The following ZNF235 variants were observed in gnomAD, a reference collection of about 807,000 sequenced individuals.
ZNF235 encodes zinc finger protein 235.
ZNF235 carries 25 observed loss-of-function variants against 29.4 expected under a neutral mutation model. The ratio of observed to expected loss-of-function variants is 0.85; its 90% CI spans 0.62 to 1.19. The LOEUF (loss-of-function observed/expected upper bound fraction) is 1.19, where lower values mean the gene tolerates loss of function less well. Among genes scored for constraint, ZNF235 ranks in the 50% most tolerant of loss-of-function variants. The probability of loss-of-function intolerance (pLI) is 0.00; values close to 1 mark genes in which losing one functional copy is unlikely to be tolerated. For missense variants in ZNF235, 788 were observed against 885.0 expected (o/e 0.89, Z 1.39); for synonymous variants, 300 against 295.3 (o/e 1.02, Z -0.16).
chr19:44,302,872 TTGTA>T (rs1309931617), intron 2 of ZNF235, among the ~76,000 whole-genome samples: 30 of 58,262 alleles, frequency 5.1e-4, no homozygotes, highest in Non-Finnish European at 7.3e-4. Context: ...TTATATATAT[TTGTA>T]TGTGTTTATA....
At chr19:44,298,283 G>T (rs1299116066) in intron 4 of ZNF235, among the ~76,000 whole-genome samples, 1 of 152,150 alleles carries the variant, frequency 6.6e-6, no homozygotes, top group African/African-American at 2.4e-5. Flanking sequence ...AGGTGAATAG[G>T]CAAACATTAT....
At chr19:44,293,634 G>A (rs140797726) in intron 4 of ZNF235, among the ~76,000 whole-genome samples, 9 of 152,128 alleles carry the variant, frequency 5.9e-5, no homozygotes, top group East Asian at 1.9e-4. Context: ...TCTGATTAGT[G>A]CATGGAGCAT....
In ZNF235 at chr19:44,287,992, G is replaced by A. The variant is rs1375635092; in HGVS notation, c.1443C>T (p.His481=). The change falls in exon 5 of 5, where the codon CAC becomes CAT. Residue 481 remains histidine (H), a synonymous_variant. Coordinates refer to ENST00000291182, the MANE Select transcript of ZNF235 (RefSeq NM_004234.4). ...CACATTTATATGGTTTTTCTCCTGT[G>A]TGGACTCGTTGATGACTATGAAGAT... ...SFNLHSHQRV[H]TGEKPYKCEE... is the part of the protein sequence containing the mutation. The A allele has an allele frequency of 1.9e-6, 3 of 1,614,102 alleles. No homozygotes were observed. The highest frequency in any genetic ancestry group is 2.5e-6 in the Non-Finnish European group (3 of 1,180,030).
rs758362835 is a variant in ZNF235 at position 44,288,469 on chromosome 19, A to G, written c.966T>C (p.His322=). ...VRTGKKRYWC[H]ECGKGFSQSS... ...TCTGACTGAAACCTTTACCACATTC[A>G]TGACACCAATAGCGTTTTTTCCCAG... Residue 322 remains histidine, a synonymous_variant, in exon 5 of 5, where the codon CAT becomes CAC. Transcript: ENST00000291182. 29 of 1,614,062 alleles carry G rather than the reference A, an allele frequency of 1.8e-5. No homozygotes were observed. Among genetic ancestry groups the G allele is most frequent in the African/African-American group, 4.0e-5 (3 of 74,938 alleles).
chr19:44,305,023 T>G lies in ZNF235; in HGVS notation c.-101A>C, dbSNP rs1278187346. On this transcript the variant is annotated 5_prime_UTR_variant, in exon 1 of 5. Coordinates refer to ENST00000291182, the MANE Select transcript of ZNF235 (RefSeq NM_004234.4). ...CTCGCCTTCCTGGAGCGGAAGTGCC[T>G]CCGAGTGCCCACGGTTCGTGGACTC... is the stretch of plus-strand genomic sequence containing the variant. 1.2e-6 allele frequency: 1 copy of G among 822,836 alleles called. No homozygotes were observed. Among genetic ancestry groups the G allele is most frequent in the Admixed American group, 6.2e-5 (1 of 16,032 alleles). The allele number at this position is 822,836 out of a possible 1,614,324, so 51.0% of individuals were successfully genotyped here. A position where few individuals can be genotyped will look rare whatever the true frequency, so the allele number is the denominator to read the frequency against.
At chr19:44,289,316 T>C in intron 4 of ZNF235, 120 bp from the exon 5 acceptor site, 1 of 860,074 alleles carries the variant, frequency 1.2e-6, no homozygotes, top group Non-Finnish European at 1.7e-6. Flanking sequence ...CTAGACTGGC[T>C]GAAATAAATT....
intron 1 of ZNF235, 79 bp downstream of exon 1, chr19:44,304,892 C>G (rs1975808882): frequency 1.0e-6 from 1 of 985,384 alleles, no homozygotes; most frequent in Non-Finnish European, 1.2e-6. Flanking sequence ...CTTCCCCAAG[C>G]CAAGGACGGG....
At chr19:44,302,991 A>ATATATATATATATTTATAT (rs1323579723) in intron 2 of ZNF235, among the ~76,000 whole-genome samples, 1 of 115,042 alleles carries the variant, frequency 8.7e-6, no homozygotes, top group African/African-American at 4.1e-5. Context: ...TTTATATATA[A>ATATATATATATATTTATAT]ATATATACAT....
At chr19:44,294,250 C>A (rs1599889142) in intron 4 of ZNF235, among the ~76,000 whole-genome samples, 1 of 152,076 alleles carries the variant, frequency 6.6e-6, no homozygotes, top group Non-Finnish European at 1.5e-5. Flanking sequence ...AAATAAAAAA[C>A]ATGATCAGAC....
At chr19:44,301,585 C>T (rs1408081304) in intron 2 of ZNF235, among the ~76,000 whole-genome samples, 1 of 152,110 alleles carries the variant, frequency 6.6e-6, no homozygotes, top group East Asian at 1.9e-4. Flanking sequence ...ATTTTCCTGC[C>T]TCATCTACAT....
At chr19:44,303,610 C>T (rs1568648234) in intron 1 of ZNF235, among the ~76,000 whole-genome samples, 158 bp from the exon 2 acceptor site, 1 of 152,168 alleles carries the variant, frequency 6.6e-6, no homozygotes, top group Non-Finnish European at 1.5e-5. Context: ...AGCTACCCCT[C>T]GGCCCCCTCA....
At chr19:44,293,043 A>C (rs1975606001) in intron 4 of ZNF235, among the ~76,000 whole-genome samples, 1 of 152,140 alleles carries the variant, frequency 6.6e-6, no homozygotes, top group Admixed American at 6.5e-5. Flanking sequence ...TGTCACCACT[A>C]GACCAGGTCT....
Position 44,288,655 on chromosome 19 carries a change from C to G in ZNF235, c.780G>C (p.Gln260His). ...CACATTCATTACCCTGGTAGGTTTT[C>G]TGTCCTGTGTGAATACTACGCTGGG... ...PLTQRSIHTG[Q>H]KTYQGNECEE... is the part of the protein sequence containing the mutation. The change falls in exon 5 of 5, where the codon CAG (glutamine) becomes CAC (histidine). Residue 260 changes from glutamine (Q) to histidine (H), a missense_variant. By Grantham distance (24) the Gln-to-His change is conservative. Coordinates refer to ENST00000291182, the MANE Select transcript of ZNF235 (RefSeq NM_004234.4). The G allele has an allele frequency of 6.2e-7, 1 of 1,614,112 alleles. No homozygotes were observed.
chr19:44,290,435 A>G (rs1329838921), intron 4 of ZNF235: 1 of 152,120 alleles, frequency 6.6e-6, no homozygotes, highest in African/African-American at 2.4e-5. Flanking sequence ...ATCAAGGCCC[A>G]CAGTTTTGTT....
intron 2 of ZNF235, among the ~76,000 whole-genome samples, chr19:44,301,322 C>T (rs1010769239): frequency 2.6e-5 from 4 of 152,024 alleles, no homozygotes; most frequent in Non-Finnish European, 5.9e-5. Flanking sequence ...ATCTATGTAC[C>T]AAACAACTCG....
intron 3 of ZNF235, 73 bp from the exon 4 acceptor site, chr19:44,298,976 G>A: frequency 2.8e-6 from 3 of 1,075,464 alleles, no homozygotes; most frequent in Non-Finnish European, 4.2e-6. Flanking sequence ...CCAATCACAT[G>A]ATGTAAGTCT....
intron 4 of ZNF235, chr19:44,291,061 C>CT (rs1390889327): frequency 1.3e-5 from 2 of 152,200 alleles, no homozygotes; most frequent in Non-Finnish European, 2.9e-5. Context: ...AAGTTGACTA[C>CT]TTGGTCTTTC....
At chr19:44,289,272 T>C in intron 4 of ZNF235, 76 bp from the exon 5 acceptor site, 1 of 1,337,120 alleles carries the variant, frequency 7.5e-7, no homozygotes, top group Non-Finnish European at 9.9e-7. Flanking sequence ...AGATCTAAGC[T>C]CTCATTTTCC....
At position 44,287,965 on chromosome 19, in the gene ZNF235, T is replaced by C. The variant is rs762782111; in HGVS notation, c.1470A>G (p.Glu490=). 2.5e-6 allele frequency: 4 copies of C among 1,613,998 alleles called. No homozygotes were observed. The highest frequency in any genetic ancestry group is 3.4e-6 in the Non-Finnish European group (4 of 1,179,994). The change falls in exon 5 of 5, where the codon GAA becomes GAG. Residue 490 remains glutamate (E), a synonymous_variant. Transcript: ENST00000291182. ...VHTGEKPYKC[E]ECGKGFSSAS... Reference sequence around the variant, plus strand: ...CTGAACTAAAACCCTTACCACACTCTTCACATTTATATGGTTTTTCTCCTG... The same window carrying C: ...CTGAACTAAAACCCTTACCACACTCCTCACATTTATATGGTTTTTCTCCTG...
Sources: gnomAD v4.1 joint callset for allele counts (sites outside exome capture counted in the v4.1 genomes callset) on GRCh38, gnomAD v4.1.1 for gene constraint, MANE v1.5 for transcripts, NCBI Gene and HGNC (gene_info 2026-07-23, HGNC 2026-07-21) for gene names.